The following UTY variants were observed in gnomAD, a reference collection of about 807,000 sequenced individuals.
The protein encoded by UTY is ubiquitously transcribed tetratricopeptide repeat containing, Y-linked.
Under a neutral mutation model 32.5 loss-of-function variants are expected in UTY, and 12 were observed. That is an observed-to-expected ratio of 0.37 (90% CI 0.24 to 0.60). The LOEUF is 0.60. UTY is among the 20% of genes least tolerant of loss of function. UTY has a pLI of 0.69. For missense variants in UTY, 303 were observed against 299.2 expected (o/e 1.01, Z -0.09); for synonymous variants, 131 against 103.4 (o/e 1.27, Z -1.62).
At chrY:13,355,693 C>G in intron 16 of UTY, 1 of 346,245 alleles carries the variant, frequency 2.9e-6, no homozygotes, top group Non-Finnish European at 3.9e-6. Context: ...AGTTTACATT[C>G]TTGTCAAATC....
chrY:13,273,364 AAAG>A (rs2056429497), intron 27 of UTY, among the ~76,000 whole-genome samples: 3 of 33,902 alleles, frequency 8.8e-5, no homozygotes, highest in African/African-American at 2.3e-4. Flanking sequence ...TTAACTACAC[AAAG>A]AAGGTCCTTT....
At chrY:13,404,821 G>A in intron 6 of UTY, among the ~76,000 whole-genome samples, 1 of 32,996 alleles carries the variant, frequency 3.0e-5, no homozygotes, top group African/African-American at 1.2e-4. Flanking sequence ...CAATACCAGT[G>A]GGAATGTAAA....
intron 8 of UTY, among the ~76,000 whole-genome samples, chrY:13,371,394 T>C: frequency 3.1e-5 from 1 of 32,664 alleles, no homozygotes; most frequent in Non-Finnish European, 7.6e-5. Flanking sequence ...CACAGCAAAG[T>C]TGCCAGATTC....
chrY:13,357,307 T>C, intron 15 of UTY, among the ~76,000 whole-genome samples: 1 of 32,391 alleles, frequency 3.1e-5, no homozygotes, highest in Non-Finnish European at 7.5e-5. Context: ...TCCGAGCACT[T>C]TGGGACACTG....
intron 3 of UTY, among the ~76,000 whole-genome samples, chrY:13,461,936 G>A (rs2150208707): frequency 3.0e-5 from 1 of 33,576 alleles, no homozygotes; most frequent in South Asian, 6.6e-4. Flanking sequence ...GCCCAGCCGA[G>A]AAAATGTTTA....
chrY:13,352,886 A>T (rs1025203783), intron 17 of UTY, among the ~76,000 whole-genome samples: 5 of 34,109 alleles, frequency 1.5e-4, no homozygotes, highest in Admixed American at 1.1e-3. Context: ...AAGGGTGTAA[A>T]CCCCTCCTTC....
chrY:13,406,031 A>T, intron 6 of UTY, among the ~76,000 whole-genome samples: 2 of 33,458 alleles, frequency 6.0e-5, no homozygotes, highest in African/African-American at 2.3e-4. Flanking sequence ...GTGTCTTTAT[A>T]TAATTAAAAG....
chrY:13,432,204 C>T (rs890869955), intron 4 of UTY, among the ~76,000 whole-genome samples: 11 of 33,728 alleles, frequency 3.3e-4, no homozygotes, highest in Non-Finnish European at 6.6e-4. Context: ...ATACCAATGA[C>T]GGTCTTCACA....
intron 27 of UTY, among the ~76,000 whole-genome samples, chrY:13,296,070 C>T (rs746705192): frequency 2.6e-4 from 9 of 34,069 alleles, no homozygotes; most frequent in African/African-American, 1.0e-3. Flanking sequence ...GTTTCTGTTC[C>T]TGTGGTAGGC....
At chrY:13,453,787 T>A in intron 3 of UTY, among the ~76,000 whole-genome samples, 1 of 33,296 alleles carries the variant, frequency 3.0e-5, no homozygotes, top group Non-Finnish European at 7.4e-5. Context: ...AAAACAAGTG[T>A]TGGCAAAAAA....
At chrY:13,328,709 T>C in intron 18 of UTY, among the ~76,000 whole-genome samples, 1 of 33,383 alleles carries the variant, frequency 3.0e-5, no homozygotes, top group Non-Finnish European at 7.4e-5. Flanking sequence ...GGAAGCTACA[T>C]TTATTGGAAT....
At chrY:13,378,443 T>G in intron 8 of UTY, among the ~76,000 whole-genome samples, 2 of 33,607 alleles carry the variant, frequency 6.0e-5, no homozygotes, top group African/African-American at 2.3e-4. Context: ...TAACACAGAA[T>G]GAAAGTATGA....
intron 9 of UTY, among the ~76,000 whole-genome samples, chrY:13,367,021 A>G (rs941959981): frequency 4.2e-4 from 14 of 33,168 alleles, no homozygotes; most frequent in Non-Finnish European, 9.7e-4. Flanking sequence ...TTGCATTTTT[A>G]TTAGTGACGG....
intron 4 of UTY, among the ~76,000 whole-genome samples, chrY:13,418,040 A>G: frequency 3.8e-5 from 1 of 26,449 alleles, no homozygotes; most frequent in Non-Finnish European, 8.9e-5. Context: ...CGTTAGATTT[A>G]TCTCCTAATG....
At chrY:13,397,059 T>C in intron 6 of UTY, 87 bp from the exon 7 acceptor site, 1 of 149,130 alleles carries the variant, frequency 6.7e-6, no homozygotes, top group Non-Finnish European at 1.2e-5. Context: ...ATGTCTATCA[T>C]AAAATAACAA....
At chrY:13,435,339 C>A in intron 4 of UTY, among the ~76,000 whole-genome samples, 1 of 33,349 alleles carries the variant, frequency 3.0e-5, no homozygotes, top group South Asian at 6.8e-4. Context: ...TCTCAACCTT[C>A]CAAGCTTATT....
chrY:13,321,408 G>C, intron 21 of UTY, among the ~76,000 whole-genome samples: 2 of 33,104 alleles, frequency 6.0e-5, no homozygotes, highest in Admixed American at 2.8e-4. Context: ...TGTTTTTAAT[G>C]AGGGAAATGT....
At chrY:13,255,308 T>C (rs922852382) in intron 28 of UTY, among the ~76,000 whole-genome samples, 6 of 33,413 alleles carry the variant, frequency 1.8e-4, no homozygotes, top group African/African-American at 7.0e-4. Context: ...GTCCCTGGTA[T>C]GGGACTAGAA....
In UTY at chrY:13,479,704, C is replaced by A; in HGVS notation, c.-39G>T. The A allele has an allele frequency of 2.6e-6, 1 of 382,967 alleles. No homozygotes were observed. Among genetic ancestry groups the A allele is most frequent in the Non-Finnish European group, 3.6e-6 (1 of 274,151 alleles). On this transcript the variant is annotated 5_prime_UTR_variant, in exon 1 of 30. Transcript: ENST00000545955. The stretch of plus-strand genomic sequence containing the variant: ...TTCCAAGTCCCACGACGATACCCAA[C>A]CTTAATCGAGTAGTTGAAAAGACGC...
Sources: gnomAD v4.1 joint callset for allele counts (sites outside exome capture counted in the v4.1 genomes callset) on GRCh38, gnomAD v4.1.1 for gene constraint, MANE v1.5 for transcripts, NCBI Gene and HGNC (gene_info 2026-07-23, HGNC 2026-07-21) for gene names.